Variants in LATS2 observed in about 807,000 individuals in gnomAD.
LATS2 encodes serine/threonine-protein kinase LATS2.
LATS2 carries 24 observed loss-of-function variants against 76.0 expected under a neutral mutation model. The observed-to-expected ratio is 0.32, with a 90% confidence interval of 0.23 to 0.44. LATS2 has a LOEUF of 0.44. Ranked by LOEUF, LATS2 falls within the 20% of genes least tolerant of loss-of-function variation. The pLI, the probability that LATS2 is intolerant of heterozygous loss-of-function variation, is 1.00. For synonymous variants in LATS2, 692 were observed against 635.4 expected (o/e 1.09, Z -1.34); for missense variants, 1,286 against 1,481.2 (o/e 0.87, Z 2.16).
chr13:21,024,552 C>T (rs867120072), intron 2 of LATS2, among the ~76,000 whole-genome samples: 4 of 151,950 alleles, frequency 2.6e-5, no homozygotes, highest in African/African-American at 9.7e-5. Flanking sequence ...TTGAGTATGG[C>T]CCTGCGGGAG....
chr13:21,016,654 C>CA (rs1871811578), intron 2 of LATS2, among the ~76,000 whole-genome samples: 1 of 152,178 alleles, frequency 6.6e-6, no homozygotes, highest in Non-Finnish European at 1.5e-5. Context: ...TCACCCCAGC[C>CA]AACCCCCAGG....
Position 21,059,821 on chromosome 13 carries a change from C to T in LATS2, c.-205+1525G>A, listed in dbSNP as rs866239153. 6.6e-5 allele frequency among the ~76,000 whole-genome samples: 10 copies of T among 151,924 alleles called. No homozygotes were observed. In the South Asian group the frequency reaches 1.9e-3, roughly 29 times the overall value. ...TCTCTACTAAAAAATACAAAATTAG[C>T]TGGGCTGGTGGCGCGGGCCTGTAAT... is the stretch of plus-strand genomic sequence containing the variant. On this transcript the variant is annotated intron_variant, in intron 1 of 7. Transcript: ENST00000382592.
chr13:21,040,750 G>T (rs1872850940), intron 2 of LATS2, among the ~76,000 whole-genome samples: 1 of 152,120 alleles, frequency 6.6e-6, no homozygotes. Context: ...AGGGACGTGG[G>T]GGGCAGCCAT....
intron 1 of LATS2, among the ~76,000 whole-genome samples, chr13:21,056,211 G>T (rs1028483504): frequency 6.6e-6 from 1 of 152,004 alleles, no homozygotes; most frequent in African/African-American, 2.4e-5. Flanking sequence ...ATCTGAGGGG[G>T]AGTTTCGCCA....
intron 1 of LATS2, among the ~76,000 whole-genome samples, chr13:21,051,083 G>T (rs966509267): frequency 1.3e-5 from 2 of 152,234 alleles, no homozygotes; most frequent in African/African-American, 4.8e-5. Flanking sequence ...CGCATACGCC[G>T]TGTCAGGGGA....
rs139311992 is a variant in LATS2, at chr13:21,045,542, A to G, written c.342+143T>C. The G allele has an allele frequency of 1.1e-4, 68 of 616,516 alleles. No individual in the cohort carries two copies. In the African/African-American group the frequency reaches 1.2e-3, roughly 11 times the overall value. 38.2% of individuals were successfully genotyped at this position (616,516 alleles called of 1,614,324 possible). ...CAATTGTGAGTTCAATTATGTGTTA[A>G]AAGGGCCTTGGGTTTTTAACCTAGA... is the stretch of plus-strand genomic sequence containing the variant. On this transcript the variant is annotated intron_variant, in intron 2 of 7. Transcript: ENST00000382592.
chr13:21,018,049 C>T (rs1273631869), intron 2 of LATS2: 1 of 152,186 alleles, frequency 6.6e-6, no homozygotes, highest in Non-Finnish European at 1.5e-5. Flanking sequence ...AATTTAGTTT[C>T]ATTCTTCTGA....
intron 2 of LATS2, among the ~76,000 whole-genome samples, chr13:21,033,641 G>A (rs572601863): frequency 1.3e-5 from 2 of 149,312 alleles, no homozygotes; most frequent in South Asian, 4.4e-4. Flanking sequence ...TTGACAGACG[G>A]CACAGAGTAC....
intron 4 of LATS2, among the ~76,000 whole-genome samples, chr13:20,987,412 T>C (rs967381625): frequency 6.6e-6 from 1 of 152,202 alleles, no homozygotes; most frequent in African/African-American, 2.4e-5. Flanking sequence ...CTAAGGTATA[T>C]TTAAATCATT....
chr13:20,983,459 A>G lies in LATS2; in HGVS notation c.2247T>C (p.Pro749=). The G allele has an allele frequency of 6.2e-7, 1 of 1,614,078 alleles. No individual in the cohort carries two copies. The highest frequency in any genetic ancestry group is 8.5e-7 in the Non-Finnish European group (1 of 1,180,004). ...TCAGCAGGCTCATCATGTCCCCACC[A>G]GGGATGTAGTCCATCACAAAGTACA... ...DSLYFVMDYI[P]GGDMMSLLIR... is the part of the protein sequence containing the mutation. Residue 749 remains proline (P), a synonymous_variant, in exon 5 of 8, where the codon CCT becomes CCC. Transcript: ENST00000382592.
intron 3 of LATS2, 94 bp from the exon 4 acceptor site, chr13:20,989,398 G>C: frequency 7.5e-7 from 1 of 1,327,204 alleles, no homozygotes; most frequent in South Asian, 1.3e-5. Context: ...CGCTGCCCTC[G>C]GGGCTGAGGG....
chr13:21,049,521 A>AG (rs1365994190), intron 1 of LATS2, among the ~76,000 whole-genome samples: 5 of 152,190 alleles, frequency 3.3e-5, no homozygotes, highest in African/African-American at 1.2e-4. Flanking sequence ...TGGATGGCTG[A>AG]GGCCCTCCCG....
chr13:20,992,501 A>G (rs1870550277), intron 2 of LATS2, among the ~76,000 whole-genome samples: 1 of 152,124 alleles, frequency 6.6e-6, no homozygotes, highest in East Asian at 1.9e-4. Flanking sequence ...TTCACCTTTC[A>G]GGACAGCTCC....
rs745937589 is a variant in LATS2, at chr13:21,013,451, A to G, written c.343-22047T>C. 3.9e-5 allele frequency among the ~76,000 whole-genome samples: 6 copies of G among 152,272 alleles called. No homozygotes were observed. The South Asian group carries it at 1.2e-3, about 32-fold the overall frequency. On this transcript the variant is annotated intron_variant, in intron 2 of 7. Transcript: ENST00000382592. Reference sequence around the variant, plus strand: ...TTCCAGAGTCTGTGGAAAAAGTCCAATTTTCTGTAGAGAAGATCCAAACGG... The same window carrying G: ...TTCCAGAGTCTGTGGAAAAAGTCCAGTTTTCTGTAGAGAAGATCCAAACGG...
intron 1 of LATS2, among the ~76,000 whole-genome samples, chr13:21,059,531 G>T (rs941283428): frequency 6.6e-6 from 1 of 152,120 alleles, no homozygotes; most frequent in African/African-American, 2.4e-5. Context: ...AGGAGGCGAG[G>T]TTGCAGTGAG....
At chr13:21,060,233 C>G (rs1393505899) in intron 1 of LATS2, among the ~76,000 whole-genome samples, 1 of 152,178 alleles carries the variant, frequency 6.6e-6, no homozygotes, top group Non-Finnish European at 1.5e-5. Flanking sequence ...ACTCCATCCC[C>G]GAGGGAAAGC....
chr13:20,991,271 C>G lies in LATS2; in HGVS notation c.475+1G>C. ...CCACTATGCTGCAGGCCTGGGCTCA[C>G]CTGGGGAGGTCTGCTTAATGACCCG... On this transcript the variant is annotated splice_donor_variant, in intron 3 of 7. Coordinates refer to ENST00000382592, the MANE Select transcript of LATS2 (RefSeq NM_014572.3). LOFTEE classifies it high-confidence loss of function. The surrounding 1 kb of genome is among the most constrained non-coding windows in gnomAD (Gnocchi z 4.9). The G allele has an allele frequency of 1.2e-6, 2 of 1,614,138 alleles. No homozygotes were observed. The highest frequency in any genetic ancestry group is 1.7e-6 in the Non-Finnish European group (2 of 1,179,994).
At chr13:21,035,907 C>CT (rs1031787811) in intron 2 of LATS2, among the ~76,000 whole-genome samples, 1 of 152,070 alleles carries the variant, frequency 6.6e-6, no homozygotes, top group African/African-American at 2.4e-5. Flanking sequence ...CCCCCTTCCC[C>CT]TTTTTTCGGG....
intron 1 of LATS2, among the ~76,000 whole-genome samples, chr13:21,052,331 T>C (rs1030075752): frequency 6.6e-6 from 1 of 152,194 alleles, no homozygotes; most frequent in Non-Finnish European, 1.5e-5. Flanking sequence ...ACAGGTTGCT[T>C]GCTCCAAGTG....
Sources: allele counts gnomAD v4.1 joint callset (sites outside exome capture counted in the v4.1 genomes callset), GRCh38; gene constraint gnomAD v4.1.1; non-coding constraint Gnocchi (gnomAD v3.1); transcripts MANE v1.5; gene names NCBI Gene and HGNC (gene_info 2026-07-23, HGNC 2026-07-21).